Variants in SRPK2 observed in about 807,000 individuals in gnomAD.
SRPK2 encodes the protein SRSF protein kinase 2, also known as SFRS protein kinase 2.
SRPK2 carries 21 observed loss-of-function variants against 90.8 expected under a neutral mutation model. That is an observed-to-expected ratio of 0.23 (90% CI 0.16 to 0.33). The LOEUF is 0.33. Among genes scored for constraint, SRPK2 ranks in the 10% least tolerant of loss-of-function variants. The pLI, the probability that SRPK2 is intolerant of heterozygous loss-of-function variation, is 1.00. For missense variants in SRPK2, 620 were observed against 869.0 expected (o/e 0.71, Z 3.60); for synonymous variants, 288 against 311.1 (o/e 0.93, Z 0.78).
At chr7:105,350,256 C>G (rs1442482238) in intron 2 of SRPK2, among the ~76,000 whole-genome samples, 1 of 137,376 alleles carries the variant, frequency 7.3e-6, no homozygotes, top group Non-Finnish European at 1.7e-5. Flanking sequence ...CTCAGCCACC[C>G]GAGTAGCTGG....
intron 2 of SRPK2, among the ~76,000 whole-genome samples, chr7:105,247,894 G>C (rs1801927815): frequency 1.4e-5 from 2 of 147,850 alleles, no homozygotes; most frequent in South Asian, 2.1e-4. Context: ...TTTTGAGACA[G>C]AGTTTCACTC....
chr7:105,125,790 G>T, intron 15 of SRPK2: 1 of 1,276,456 alleles, frequency 7.8e-7, no homozygotes, highest in Non-Finnish European at 1.0e-6. Flanking sequence ...ACCTTTTCTG[G>T]TGAAAAACTC....
At position 105,357,522 on chromosome 7, in the gene SRPK2, T is replaced by A. The variant is rs573006056; in HGVS notation, c.71+31126A>T. On this transcript the variant is annotated intron_variant, in intron 2 of 15. Coordinates refer to ENST00000393651, the MANE Select transcript of SRPK2 (RefSeq NM_182692.3). ...TGTAATACCAGCCGAGATTGGTGGATCACCTGAGGTCAGGAGTTCAGGACC... is the reference window on the plus strand; with the variant it reads ...TGTAATACCAGCCGAGATTGGTGGAACACCTGAGGTCAGGAGTTCAGGACC... Among the ~76,000 whole-genome samples, 7 of 152,146 alleles carry A rather than the reference T, an allele frequency of 4.6e-5. No individual in the cohort carries two copies. In the South Asian group the frequency reaches 1.4e-3, roughly 32 times the overall value.
intron 2 of SRPK2, among the ~76,000 whole-genome samples, chr7:105,252,543 A>G (rs779050976): frequency 6.6e-6 from 1 of 152,188 alleles, no homozygotes; most frequent in Non-Finnish European, 1.5e-5. Flanking sequence ...AGCCACATTT[A>G]AAATGCTCAT....
intron 2 of SRPK2, among the ~76,000 whole-genome samples, chr7:105,341,313 G>A (rs1455307090): frequency 7.2e-6 from 1 of 139,328 alleles, no homozygotes; most frequent in Non-Finnish European, 1.5e-5. Flanking sequence ...AGCCAAGATC[G>A]TGCCACTGCA....
chr7:105,240,040 G>A (rs1800609069), intron 2 of SRPK2, among the ~76,000 whole-genome samples: 2 of 152,178 alleles, frequency 1.3e-5, no homozygotes, highest in East Asian at 1.9e-4. Context: ...CTCTGTTTAG[G>A]TTGCTATAAC....
At chr7:105,127,120 C>T (rs1801320749) in intron 13 of SRPK2, 58 bp from the exon 14 acceptor site, 1 of 1,549,318 alleles carries the variant, frequency 6.5e-7, no homozygotes, top group African/African-American at 1.4e-5. Flanking sequence ...AAGTCAACAG[C>T]TTTTTCTCCT....
chr7:105,294,816 G>A (rs975939101), intron 2 of SRPK2, among the ~76,000 whole-genome samples: 3 of 152,030 alleles, frequency 2.0e-5, no homozygotes, highest in African/African-American at 4.8e-5. Flanking sequence ...GTGAGCCACC[G>A]CACCCAACCC....
chr7:105,222,424 A>T (rs895028888), intron 2 of SRPK2, among the ~76,000 whole-genome samples: 1 of 152,264 alleles, frequency 6.6e-6, no homozygotes, highest in African/African-American at 2.4e-5. Context: ...CACTAAAATC[A>T]AAGGCTTAAA....
At chr7:105,279,709 T>C (rs1245675631) in intron 2 of SRPK2, among the ~76,000 whole-genome samples, 2 of 152,242 alleles carry the variant, frequency 1.3e-5, no homozygotes, top group African/African-American at 2.4e-5. Context: ...CCGTTAGCAA[T>C]GAAATGTGGT....
intron 7 of SRPK2, among the ~76,000 whole-genome samples, chr7:105,157,273 G>A (rs542524839): frequency 6.6e-6 from 1 of 152,278 alleles, no homozygotes; most frequent in Non-Finnish European, 1.5e-5. Flanking sequence ...AGAATGACTG[G>A]AACATGGTCG....
rs552363866 is a variant in SRPK2, at chr7:105,287,027, C to T, written c.72-83242G>A. Among the ~76,000 whole-genome samples, 4 of 150,680 alleles carry T rather than the reference C, an allele frequency of 2.7e-5. No homozygotes were observed. In the East Asian group the frequency reaches 6.0e-4, roughly 23 times the overall value. On this transcript the variant is annotated intron_variant, in intron 2 of 15. Transcript: ENST00000393651. ...CTGTAATCCCAGCACTTTGGGAGGC[C>T]GAGGCGGGCGGATCACGAGGTCAGG...
chr7:105,372,606 T>C (rs913915459), intron 2 of SRPK2, among the ~76,000 whole-genome samples: 1 of 152,200 alleles, frequency 6.6e-6, no homozygotes, highest in African/African-American at 2.4e-5. Context: ...AGTTGTACTA[T>C]AGCACCAGAA....
At chr7:105,341,000 GATGATGTCACAA>G (rs1477537773) in intron 2 of SRPK2, among the ~76,000 whole-genome samples, 1 of 152,162 alleles carries the variant, frequency 6.6e-6, no homozygotes, top group Non-Finnish European at 1.5e-5. Context: ...GTGATTAACG[GATGATGTCACAA>G]AAGCATGCAT....
intron 2 of SRPK2, among the ~76,000 whole-genome samples, chr7:105,247,531 A>AACACACAC (rs59040708): frequency 0.062 from 8,949 of 145,178 alleles, 359 homozygotes; most frequent in African/African-American, 0.094. Context: ...CACACACATA[A>AACACACAC]ACACACACAC....
At chr7:105,177,326 C>G (rs917074977) in intron 3 of SRPK2, among the ~76,000 whole-genome samples, 1 of 151,968 alleles carries the variant, frequency 6.6e-6, no homozygotes, top group Non-Finnish European at 1.5e-5. Context: ...TGCAACCAAT[C>G]TTTTTACTTC....
intron 2 of SRPK2, among the ~76,000 whole-genome samples, chr7:105,330,555 C>T: frequency 6.6e-6 from 1 of 151,914 alleles, no homozygotes; most frequent in East Asian, 1.9e-4. Flanking sequence ...TCCTAGAAAA[C>T]CCAAGGAAAT....
At chr7:105,336,948 C>T (rs1179205562) in intron 2 of SRPK2, among the ~76,000 whole-genome samples, 4 of 151,954 alleles carry the variant, frequency 2.6e-5, no homozygotes, top group South Asian at 2.1e-4. Flanking sequence ...ATTACAGGCA[C>T]CCGCCACCAC....
intron 2 of SRPK2, among the ~76,000 whole-genome samples, chr7:105,329,577 G>C (rs566399722): frequency 2.4e-4 from 36 of 149,562 alleles, no homozygotes; most frequent in Admixed American, 2.2e-3. Context: ...CTGGACGACA[G>C]AGTGAGACTC....
Sources: allele counts gnomAD v4.1 joint callset (sites outside exome capture counted in the v4.1 genomes callset), GRCh38; gene constraint gnomAD v4.1.1; transcripts MANE v1.5; gene names NCBI Gene and HGNC (gene_info 2026-07-23, HGNC 2026-07-21).